Variants in CIB2 observed in about 807,000 individuals in gnomAD.
CIB2 encodes calcium and integrin-binding family member 2.
In CIB2, 19 loss-of-function variants were observed where a neutral mutation model predicts 23.1. That is an observed-to-expected ratio of 0.82 (90% confidence interval 0.57 to 1.21). The LOEUF (loss-of-function observed/expected upper bound fraction) is 1.21. Among genes scored for constraint, CIB2 ranks in the 50% most tolerant of loss-of-function variants. The pLI, the probability that CIB2 is intolerant of heterozygous loss-of-function variation, is 0.00. For missense variants in CIB2, 220 were observed against 241.5 expected (o/e 0.91, Z 0.59); for synonymous variants, 94 against 91.7 (o/e 1.03, Z -0.14).
chr15:78,124,991 CCAA>C (rs1361411565), intron 1 of CIB2, among the ~76,000 whole-genome samples: 1 of 152,134 alleles, frequency 6.6e-6, no homozygotes, highest in Non-Finnish European at 1.5e-5. Flanking sequence ...CCCATTTGGC[CCAA>C]CAAGTCTGTC....
chr15:78,123,362 C>T (rs1000945873), intron 2 of CIB2, among the ~76,000 whole-genome samples: 2 of 152,174 alleles, frequency 1.3e-5, no homozygotes, highest in Non-Finnish European at 2.9e-5. Flanking sequence ...GGCTCTGTGA[C>T]TTTAGCCAAG....
intron 3 of CIB2, among the ~76,000 whole-genome samples, chr15:78,109,956 C>T (rs1003807899): frequency 5.3e-5 from 8 of 151,990 alleles, no homozygotes; most frequent in African/African-American, 1.9e-4. Flanking sequence ...GGGCTCTGTC[C>T]CCAGCAGAAG....
intron 4 of CIB2, among the ~76,000 whole-genome samples, chr15:78,108,337 C>T (rs752026836): frequency 6.6e-6 from 1 of 152,144 alleles, no homozygotes. Flanking sequence ...CTCTTCAGGT[C>T]CAAGTTGGGT....
rs147698874 is a variant in CIB2, at chr15:78,122,292, G to A, written c.86+1413C>T. On this transcript the variant is annotated intron_variant, in intron 2 of 5. Transcript: ENST00000258930. ...GGAGAGGCGAAGGACACTCCAGGGA[G>A]TGGAGATAGCCAGTGCAAAGGCCGA... 1.2e-4 allele frequency among the ~76,000 whole-genome samples: 19 copies of A among 152,340 alleles called. No individual in the cohort carries two copies. The East Asian group carries it at 3.3e-3, about 26-fold the overall frequency.
At position 78,107,920 on chromosome 15, in the gene CIB2, A is replaced by T. The variant is rs183584384; in HGVS notation, c.346+1315T>A. On this transcript the variant is annotated intron_variant, in intron 4 of 5. Coordinates refer to ENST00000258930, the MANE Select transcript of CIB2 (RefSeq NM_006383.4). ...GGCGTGGTGGCTCACACCTGTAATC[A>T]CAGCACTTTGGGAGGCCAAGGCAGG... Among the ~76,000 whole-genome samples, 56 of 152,280 alleles carry T rather than the reference A, an allele frequency of 3.7e-4. 1 individual carries two copies. Among genetic ancestry groups the T allele is most frequent in the African/African-American group, 1.3e-3 (56 of 41,562 alleles).
chr15:78,107,984 C>CA (rs2074096371), intron 4 of CIB2, among the ~76,000 whole-genome samples: 1 of 151,954 alleles, frequency 6.6e-6, no homozygotes, highest in East Asian at 1.9e-4. Context: ...CCAGCCTGAC[C>CA]AACATGGTGA....
At chr15:78,109,113 G>A in intron 4 of CIB2, 122 bp downstream of exon 4, 1 of 1,149,078 alleles carries the variant, frequency 8.7e-7, no homozygotes. Context: ...ACTCTTCAGA[G>A]GACAGATCAG....
Position 78,105,013 on chromosome 15 carries a change from G to C in CIB2, c.*298C>G, listed in dbSNP as rs112196879. 7.2e-3 allele frequency: 3,125 copies of C among 433,930 alleles called. 24 individuals carry two copies. Among genetic ancestry groups the C allele is most frequent in the Non-Finnish European group, 0.011 (2,457 of 233,750 alleles). The allele number at this position is 433,930 out of a possible 1,614,324, so 26.9% of individuals were successfully genotyped here. Reference sequence around the variant, plus strand: ...GGGTTATCTGCTTTTCCCTCTTTGGGGGGGTGGGGAGCATTTCTGGAGTAG... The same window carrying C: ...GGGTTATCTGCTTTTCCCTCTTTGGCGGGGTGGGGAGCATTTCTGGAGTAG... On this transcript the variant is annotated 3_prime_UTR_variant, in exon 6 of 6. Coordinates refer to ENST00000258930, the MANE Select transcript of CIB2 (RefSeq NM_006383.4).
At chr15:78,115,137 C>A (rs1215914430) in intron 2 of CIB2, among the ~76,000 whole-genome samples, 1 of 152,180 alleles carries the variant, frequency 6.6e-6, no homozygotes, top group Non-Finnish European at 1.5e-5. Context: ...TTATATACTA[C>A]ATGTTTACAC....
chr15:78,119,499 A>G (rs1050278533), intron 2 of CIB2, among the ~76,000 whole-genome samples: 24 of 152,210 alleles, frequency 1.6e-4, no homozygotes, highest in African/African-American at 5.5e-4. Flanking sequence ...AGGATCCATC[A>G]TACTGTTTTC....
intron 2 of CIB2, among the ~76,000 whole-genome samples, chr15:78,111,550 G>T (rs931795370): frequency 2.0e-5 from 3 of 152,102 alleles, no homozygotes; most frequent in African/African-American, 7.2e-5. Context: ...CACTCCTTGG[G>T]CCTGGGTCCA....
At chr15:78,116,457 T>C (rs537010756) in intron 2 of CIB2, among the ~76,000 whole-genome samples, 1 of 149,010 alleles carries the variant, frequency 6.7e-6, no homozygotes, top group South Asian at 2.1e-4. Context: ...ACAGAGATCC[T>C]GCCTGACAAA....
At chr15:78,114,779 A>G (rs563078246) in intron 2 of CIB2, among the ~76,000 whole-genome samples, 2 of 151,972 alleles carry the variant, frequency 1.3e-5, no homozygotes, top group South Asian at 4.2e-4. Flanking sequence ...TCTCTACAAA[A>G]AAAAAAAAAA....
At chr15:78,129,759 AAAG>A (rs1384678918) in intron 1 of CIB2, among the ~76,000 whole-genome samples, 3 of 152,172 alleles carry the variant, frequency 2.0e-5, no homozygotes, top group African/African-American at 7.2e-5. Flanking sequence ...ACTCCCAACT[AAAG>A]AAGTGAGCCT....
Position 78,131,113 on chromosome 15 carries a change from G to A in CIB2, c.51+52C>T. ...CTCGGCCAGCGACCGAGAAAAGGGAGGGGCGGCGGGGCGGCGGGGCCTGTG... is the reference window on the plus strand; with the variant it reads ...CTCGGCCAGCGACCGAGAAAAGGGAAGGGCGGCGGGGCGGCGGGGCCTGTG... On this transcript the variant is annotated intron_variant, in intron 1 of 5. Transcript: ENST00000258930. The surrounding 1 kb of genome is among the most constrained non-coding windows in gnomAD (Gnocchi z 5.8). 2 of 1,486,108 alleles carry A rather than the reference G, an allele frequency of 1.3e-6. No homozygotes were observed. Among genetic ancestry groups the A allele is most frequent in the Non-Finnish European group, 9.1e-7 (1 of 1,101,284 alleles). 92.1% of individuals were successfully genotyped at this position (1,486,108 alleles called of 1,614,324 possible).
intron 3 of CIB2, 131 bp downstream of exon 3, chr15:78,111,034 G>C (rs1231511359): frequency 1.3e-6 from 1 of 762,026 alleles, no homozygotes; most frequent in Non-Finnish European, 2.3e-6. Flanking sequence ...GAGGCACAGA[G>C]AGGTTCTGTG....
chr15:78,105,649 C>A, intron 5 of CIB2, 90 bp downstream of exon 5: 1 of 1,601,124 alleles, frequency 6.2e-7, no homozygotes, highest in South Asian at 1.1e-5. Flanking sequence ...CACCACTGCT[C>A]ACAAATAGCG....
At chr15:78,130,293 AGAGG>A (rs2074436433) in intron 1 of CIB2, among the ~76,000 whole-genome samples, 1 of 152,024 alleles carries the variant, frequency 6.6e-6, no homozygotes, top group Non-Finnish European at 1.5e-5. Context: ...GCAGAGGGAG[AGAGG>A]GAGGGAGGAA....
chr15:78,110,253 G>A (rs548126367), intron 3 of CIB2, among the ~76,000 whole-genome samples: 204 of 152,322 alleles, frequency 1.3e-3, no homozygotes, highest in African/African-American at 4.6e-3. Flanking sequence ...GCGCCATTCC[G>A]TGCCCAGCCC....
Sources: gnomAD v4.1 joint callset for allele counts (sites outside exome capture counted in the v4.1 genomes callset) on GRCh38, gnomAD v4.1.1 for gene constraint, Gnocchi (gnomAD v3.1) non-coding constraint, MANE v1.5 for transcripts, NCBI Gene and HGNC (gene_info 2026-07-23, HGNC 2026-07-21) for gene names.